The following NR3C2 variants were observed in gnomAD, a reference collection of about 807,000 sequenced individuals.
NR3C2 encodes nuclear receptor subfamily 3 group C member 2.
Under a neutral mutation model 86.4 loss-of-function variants are expected in NR3C2, and 15 were observed. That is an observed-to-expected ratio of 0.17 (90% CI 0.12 to 0.27). The LOEUF (loss-of-function observed/expected upper bound fraction) is 0.27. Ranked by LOEUF, NR3C2 falls within the 10% of genes least tolerant of loss-of-function variation. The pLI is 1.00. For synonymous variants in NR3C2, 458 were observed against 450.5 expected, an observed-to-expected ratio of 1.02 and a Z score of -0.21; for missense variants, 960 against 1,195.6, an observed-to-expected ratio of 0.80 and a Z score of 2.91.
chr4:148,405,498 C>A (rs1306752463), intron 2 of NR3C2, among the ~76,000 whole-genome samples: 17 of 152,128 alleles, frequency 1.1e-4, no homozygotes, highest in Admixed American at 1.1e-3. Flanking sequence ...AAGGATTTCA[C>A]TTTTGAAAGT....
intron 2 of NR3C2, among the ~76,000 whole-genome samples, chr4:148,402,882 A>G (rs1033498499): frequency 2.6e-5 from 4 of 152,166 alleles, no homozygotes; most frequent in Non-Finnish European, 5.9e-5. Flanking sequence ...GGCAAGCTGT[A>G]AACAAGTAAA....
intron 2 of NR3C2, among the ~76,000 whole-genome samples, chr4:148,414,868 T>A (rs900902347): frequency 2.6e-4 from 39 of 152,224 alleles, no homozygotes; most frequent in African/African-American, 8.9e-4. Flanking sequence ...ACTATTTCCA[T>A]GTCCAGAGAC....
chr4:148,356,459 C>A (rs776626480), intron 2 of NR3C2, among the ~76,000 whole-genome samples: 1 of 152,112 alleles, frequency 6.6e-6, no homozygotes, highest in South Asian at 2.1e-4. Context: ...AAAAAAGTGA[C>A]GTTTTTCTGT....
chr4:148,203,130 T>C (rs1034305992), intron 3 of NR3C2, among the ~76,000 whole-genome samples: 3 of 152,208 alleles, frequency 2.0e-5, no homozygotes, highest in Non-Finnish European at 2.9e-5. Context: ...GAATGATCTA[T>C]TGCTTAATAA....
chr4:148,341,907 C>T (rs188097126), intron 2 of NR3C2, among the ~76,000 whole-genome samples: 51 of 152,194 alleles, frequency 3.4e-4, no homozygotes, highest in African/African-American at 1.2e-3. Context: ...TTGAGGTATA[C>T]CCAAACCCTG....
intron 8 of NR3C2, among the ~76,000 whole-genome samples, chr4:148,083,823 T>C (rs955301319): frequency 6.6e-6 from 1 of 152,008 alleles, no homozygotes; most frequent in Admixed American, 6.6e-5. Context: ...TAGAGAAGAA[T>C]ATAAATGACC....
intron 3 of NR3C2, among the ~76,000 whole-genome samples, chr4:148,235,964 T>A (rs1334043187): frequency 6.6e-6 from 1 of 152,222 alleles, no homozygotes; most frequent in African/African-American, 2.4e-5. Context: ...TTTCCATATA[T>A]CTTCTCCCTT....
chr4:148,366,542 T>C (rs144824243), intron 2 of NR3C2, among the ~76,000 whole-genome samples: 165 of 3,452 alleles, frequency 0.048, 3 homozygotes, highest in East Asian at 0.32. Flanking sequence ...GGCTCTAGAA[T>C]TCACTTATAA....
At chr4:148,148,835 T>C (rs957904294) in intron 6 of NR3C2, among the ~76,000 whole-genome samples, 6 of 152,242 alleles carry the variant, frequency 3.9e-5, no homozygotes, top group Non-Finnish European at 8.8e-5. Flanking sequence ...GTATGTTCTA[T>C]GAGAGAGGGA....
intron 3 of NR3C2, among the ~76,000 whole-genome samples, chr4:148,238,799 T>C (rs371036200): frequency 1.4e-4 from 22 of 152,062 alleles, no homozygotes; most frequent in Middle Eastern, 3.4e-3. Context: ...TAGGAAAAAA[T>C]AAATAGGAAT....
chr4:148,105,638 A>C (rs1731761713), intron 8 of NR3C2, among the ~76,000 whole-genome samples: 1 of 152,256 alleles, frequency 6.6e-6, no homozygotes, highest in African/African-American at 2.4e-5. Flanking sequence ...ATAAAATACT[A>C]GCAAACCGAA....
At chr4:148,430,762 G>A (rs1368569117) in intron 2 of NR3C2, among the ~76,000 whole-genome samples, 1 of 151,990 alleles carries the variant, frequency 6.6e-6, no homozygotes, top group East Asian at 1.9e-4. Flanking sequence ...TATATTGAAA[G>A]TTTAGTAAAA....
intron 8 of NR3C2, 45 bp from the exon 9 acceptor site, chr4:148,081,544 G>A (rs750786464): frequency 6.2e-6 from 10 of 1,612,950 alleles, no homozygotes; most frequent in Admixed American, 3.3e-5. Flanking sequence ...CCTCCTTTCC[G>A]ACCCTGGATC....
chr4:148,395,062 A>G (rs1199727406), intron 2 of NR3C2, among the ~76,000 whole-genome samples: 1 of 152,052 alleles, frequency 6.6e-6, no homozygotes, highest in Non-Finnish European at 1.5e-5. Context: ...TAGGTAACCA[A>G]TGTGTGTGTT....
At chr4:148,346,279 TA>T (rs1474377616) in intron 2 of NR3C2, among the ~76,000 whole-genome samples, 4 of 152,020 alleles carry the variant, frequency 2.6e-5, no homozygotes, top group African/African-American at 9.7e-5. Flanking sequence ...AAAGAGCAGT[TA>T]GGAGGCTATC....
chr4:148,415,085 C>G (rs2126583905), intron 2 of NR3C2, among the ~76,000 whole-genome samples: 1 of 152,310 alleles, frequency 6.6e-6, no homozygotes, highest in East Asian at 1.9e-4. Context: ...ATAAATAAAA[C>G]TCCTCCTATT....
intron 2 of NR3C2, among the ~76,000 whole-genome samples, chr4:148,423,374 C>T (rs1353175448): frequency 6.6e-6 from 1 of 152,174 alleles, no homozygotes. Flanking sequence ...TTGACTTGTG[C>T]TATTACTTAT....
At chr4:148,217,295 C>A (rs1214233278) in intron 3 of NR3C2, among the ~76,000 whole-genome samples, 1 of 152,186 alleles carries the variant, frequency 6.6e-6, no homozygotes, top group Non-Finnish European at 1.5e-5. Context: ...CACAGGAAGG[C>A]AATCTGTCCA....
intron 2 of NR3C2, among the ~76,000 whole-genome samples, chr4:148,304,317 AGTT>A (rs1224979089): frequency 2.2e-5 from 3 of 138,662 alleles, no homozygotes; most frequent in East Asian, 2.1e-4. Flanking sequence ...AAAGGGTAAA[AGTT>A]GTTGTTGCTT....
Sources: gnomAD v4.1 joint callset for allele counts (sites outside exome capture counted in the v4.1 genomes callset) on GRCh38, gnomAD v4.1.1 for gene constraint, MANE v1.5 for transcripts, NCBI Gene and HGNC (gene_info 2026-07-23, HGNC 2026-07-21) for gene names.